Variants in UNC80 observed in about 807,000 individuals in gnomAD.
UNC80 encodes the protein unc-80 subunit of NALCN channel complex.
Under a neutral mutation model 384.6 loss-of-function variants are expected in UNC80, and 164 were observed. The observed-to-expected ratio is 0.43, with a 90% CI of 0.38 to 0.49. UNC80 has a LOEUF of 0.49. UNC80 is among the 20% of genes least tolerant of loss of function. The pLI is 0.00. For synonymous variants in UNC80, 1,486 were observed against 1,527.8 expected, an observed-to-expected ratio of 0.97 and a Z score of 0.64; for missense variants, 3,330 against 4,143.0, an observed-to-expected ratio of 0.80 and a Z score of 5.39.
At chr2:209,959,079 T>G in intron 49 of UNC80, 40 bp from the exon 50 acceptor site, 1 of 1,547,046 alleles carries the variant, frequency 6.5e-7, no homozygotes. Flanking sequence ...GACCCCGTTC[T>G]TGCTCTAATA....
At chr2:209,927,364 C>A (rs2090517001) in intron 36 of UNC80, among the ~76,000 whole-genome samples, 1 of 152,094 alleles carries the variant, frequency 6.6e-6, no homozygotes, top group African/African-American at 2.4e-5. Flanking sequence ...TGCTAACTAC[C>A]TAAAAAGAAT....
chr2:209,882,870 TA>T (rs1238805345), intron 25 of UNC80, among the ~76,000 whole-genome samples: 18 of 152,344 alleles, frequency 1.2e-4, no homozygotes, highest in Admixed American at 1.2e-3. Context: ...AACTAGAGTT[TA>T]ATGGTCCTTA....
rs1336429129 is a variant in UNC80, at chr2:209,789,563, C to A, written c.756C>A (p.Ser252Arg). 5 of 1,613,502 alleles carry A rather than the reference C, an allele frequency of 3.1e-6. No homozygotes were observed. Among genetic ancestry groups the A allele is most frequent in the Non-Finnish European group, 8.5e-7 (1 of 1,179,632 alleles). The change falls in exon 6 of 65, where the codon AGC becomes AGA. Residue 252 changes from serine (S) to arginine (R), a missense_variant. Around this residue, in one of 8 missense-constraint regions of UNC80, gnomAD observed 937 missense variants for 1,026.8 expected, o/e 0.91. Transcript: ENST00000673920. ...GAAGTTCTCCTATCAACAGTCAAAG[C>A]CGGACCTGTGAATCACCAAATCAAG... ...AKRSSPINSQ[S>R]RTCESPNQDA...
chr2:209,820,410 G>A lies in UNC80; in HGVS notation c.2062G>A (p.Val688Met), dbSNP rs1236882490. 1 of 1,551,778 alleles carries A rather than the reference G, an allele frequency of 6.4e-7. No individual in the cohort carries two copies. ...TGTGGAATGCTTGCTTCAACTTGGT[G>A]TGGTGCCCTGTGTAGAAAAGAATAG... ...NIVECLLQLGVVPCVEKNRKK... is the reference protein window; with the variant it reads ...NIVECLLQLGMVPCVEKNRKK... The change falls in exon 13 of 65, where the codon GTG (valine) becomes ATG (methionine). Residue 688 changes from valine to methionine, a missense_variant. Coordinates refer to ENST00000673920, the MANE Select transcript of UNC80 (RefSeq NM_001371986.1).
At chr2:209,979,541 A>T (rs2093104776) in intron 59 of UNC80, among the ~76,000 whole-genome samples, 1 of 152,164 alleles carries the variant, frequency 6.6e-6, no homozygotes, top group Non-Finnish European at 1.5e-5. Context: ...GAGTTAAGAG[A>T]ATCCCCAGTG....
At chr2:209,943,333 T>C (rs2091743450) in intron 44 of UNC80, 47 bp from the exon 45 acceptor site, 2 of 1,548,318 alleles carry the variant, frequency 1.3e-6, no homozygotes, top group Non-Finnish European at 1.7e-6. Context: ...AGTACAACTT[T>C]GATACTTCAT....
rs767633598 is a variant in UNC80 at position 209,817,086 on chromosome 2, C to T, written c.1513C>T (p.Arg505Ter). The T allele has an allele frequency of 5.2e-6, 8 of 1,551,526 alleles. No homozygotes were observed. The highest frequency in any genetic ancestry group is 7.0e-6 in the Non-Finnish European group (8 of 1,147,014). ...GSFSGLGEDRRGIEKGGWQTT... is the reference protein window; with the variant it reads ...GSFSGLGEDR ...TTTCTCTGGGCTGGGAGAAGACAGG[C>T]GAGGAATTGAGAAAGGAGGCTGGCA... Residue 505 changes from arginine to a stop codon, truncating the protein, a stop_gained, in exon 10 of 65, where the codon CGA (arginine) becomes TGA (stop). Coordinates refer to ENST00000673920, the MANE Select transcript of UNC80 (RefSeq NM_001371986.1). LOFTEE classifies it high-confidence loss of function.
chr2:209,918,008 G>C, intron 32 of UNC80, 50 bp downstream of exon 32: 1 of 1,532,854 alleles, frequency 6.5e-7, no homozygotes, highest in Non-Finnish European at 8.8e-7. Context: ...CCAACCCAAG[G>C]TTTGTTTAAA....
chr2:209,947,002 A>C (rs2091943834), intron 47 of UNC80, among the ~76,000 whole-genome samples: 1 of 152,150 alleles, frequency 6.6e-6, no homozygotes, highest in Non-Finnish European at 1.5e-5. Context: ...TTCTGGAGCA[A>C]TGGGGAGAAA....
chr2:209,793,864 C>T lies in UNC80; in HGVS notation c.938+5C>T, dbSNP rs780616201. On this transcript the variant is annotated splice_donor_5th_base_variant and intron_variant, in intron 7 of 64. Coordinates refer to ENST00000673920, the MANE Select transcript of UNC80 (RefSeq NM_001371986.1). ...AAGAGGCCCATCACATTCCAGGTAC[C>T]TGATTGCAATGTTAGGGACAAAATG... 1.9e-5 allele frequency: 31 copies of T among 1,613,738 alleles called. 1 individual carries two copies. In the South Asian group the frequency reaches 3.1e-4, roughly 16 times the overall value.
chr2:209,940,505 A>G (rs2091554954), intron 43 of UNC80, among the ~76,000 whole-genome samples: 1 of 152,180 alleles, frequency 6.6e-6, no homozygotes, highest in Non-Finnish European at 1.5e-5. Flanking sequence ...TCTATGTTTT[A>G]TCGCCCTCAT....
chr2:209,973,420 C>T, intron 56 of UNC80, 150 bp downstream of exon 56: 1 of 766,526 alleles, frequency 1.3e-6, no homozygotes, highest in Non-Finnish European at 2.0e-6. Flanking sequence ...AGACCTCAAA[C>T]CAGAATGTAT....
chr2:209,884,373 G>A (rs2085584325), intron 25 of UNC80, among the ~76,000 whole-genome samples: 1 of 152,150 alleles, frequency 6.6e-6, no homozygotes, highest in South Asian at 2.1e-4. Flanking sequence ...ACATTCGTTT[G>A]TTACAGAAAA....
chr2:209,988,341 C>T (rs2093330004), intron 61 of UNC80, among the ~76,000 whole-genome samples: 1 of 152,106 alleles, frequency 6.6e-6, no homozygotes, highest in African/African-American at 2.4e-5. Context: ...TTCACTTTTC[C>T]ATGTGCTGGT....
intron 28 of UNC80, among the ~76,000 whole-genome samples, chr2:209,899,268 A>C (rs958292044): frequency 6.6e-6 from 1 of 152,206 alleles, no homozygotes; most frequent in Non-Finnish European, 1.5e-5. Context: ...AATTCACAGA[A>C]TGTACAAAGC....
chr2:209,837,111 A>T (rs1385826288), intron 18 of UNC80, among the ~76,000 whole-genome samples: 3 of 132,230 alleles, frequency 2.3e-5, no homozygotes, highest in South Asian at 3.5e-4. Context: ...CCTATTTTTT[A>T]AAAAAAGAAC....
chr2:209,991,179 A>G (rs181442915), intron 61 of UNC80, among the ~76,000 whole-genome samples: 6 of 152,336 alleles, frequency 3.9e-5, no homozygotes, highest in Admixed American at 2.0e-4. Context: ...GTGGAATATT[A>G]TACTCTTAAG....
chr2:209,818,730 A>G (rs2079922787), intron 11 of UNC80, among the ~76,000 whole-genome samples: 1 of 152,228 alleles, frequency 6.6e-6, no homozygotes, highest in African/African-American at 2.4e-5. Context: ...TCAGTGTTAG[A>G]CAGAAGTTAA....
At chr2:209,865,538 C>T (rs951627091) in intron 22 of UNC80, among the ~76,000 whole-genome samples, 13 of 150,394 alleles carry the variant, frequency 8.6e-5, no homozygotes, top group African/African-American at 3.2e-4. Context: ...GGAGGCGGAG[C>T]TTGCAGTGAG....
Sources: allele counts gnomAD v4.1 joint callset (sites outside exome capture counted in the v4.1 genomes callset), GRCh38; gene constraint gnomAD v4.1.1; regional missense constraint gnomAD v4.1.1; transcripts MANE v1.5; gene names NCBI Gene and HGNC (gene_info 2026-07-23, HGNC 2026-07-21).